PCDHA5: variants seen among roughly 807,000 people sequenced by gnomAD.
PCDHA5 encodes protocadherin alpha 5.
Under a neutral mutation model 61.6 loss-of-function variants are expected in PCDHA5, and 43 were observed. The observed-to-expected ratio is 0.70, with a 90% CI of 0.55 to 0.90. The LOEUF (loss-of-function observed/expected upper bound fraction) is 0.90. PCDHA5 is among the 40% of genes least tolerant of loss of function. The probability of loss-of-function intolerance (pLI) is 0.00; values close to 1 mark genes in which losing one functional copy is unlikely to be tolerated. For synonymous variants in PCDHA5, 627 were observed against 543.9 expected, an observed-to-expected ratio of 1.15 and a Z score of -2.13; for missense variants, 1,298 against 1,222.7, an observed-to-expected ratio of 1.06 and a Z score of -0.92.
rs2150179482 is a variant in PCDHA5, at chr5:140,830,012, G to T, written c.2352+5885G>T. 5.0e-6 allele frequency: 8 copies of T among 1,613,802 alleles called. No individual in the cohort carries two copies. In the Admixed American group the frequency reaches 1.0e-4, roughly 20 times the overall value. ...CACCACTCGTGTCCTGGACGAAGCG[G>T]ACTCTCCGCGCCACCGGCTGCTGGT... On this transcript the variant is annotated intron_variant, in intron 1 of 3. Coordinates refer to ENST00000529859, the MANE Select transcript of PCDHA5 (RefSeq NM_018908.3).
At chr5:140,851,249 A>G in intron 1 of PCDHA5, 1 of 1,094,194 alleles carries the variant, frequency 9.1e-7, no homozygotes, top group Non-Finnish European at 1.2e-6. Context: ...TAAATGATGC[A>G]TAGTATTTTA....
chr5:140,867,215 C>T (rs989219715), intron 1 of PCDHA5: 14 of 152,216 alleles, frequency 9.2e-5, no homozygotes, highest in South Asian at 2.1e-4. Flanking sequence ...ACATCTTCAT[C>T]CCCAATTCCC....
At chr5:140,836,199 T>C in intron 1 of PCDHA5, 1 of 1,613,834 alleles carries the variant, frequency 6.2e-7, no homozygotes, top group Admixed American at 1.7e-5. Flanking sequence ...CTACAACGCG[T>C]GGCTTTCGTA....
intron 1 of PCDHA5, chr5:140,857,730 C>T (rs782671299): frequency 6.3e-7 from 1 of 1,597,474 alleles, no homozygotes. Context: ...AACGACAACG[C>T]TCCCGCGCTG....
chr5:140,861,303 G>A (rs1290097316), intron 1 of PCDHA5: 2 of 189,476 alleles, frequency 1.1e-5, no homozygotes, highest in Non-Finnish European at 2.2e-5. Context: ...TGTGAAGCGG[G>A]AAAGGACCAG....
At chr5:140,944,291 G>A (rs155813) in intron 1 of PCDHA5, among the ~76,000 whole-genome samples, 48,239 of 151,966 alleles carry the variant, frequency 0.32, 8,008 homozygotes, top group East Asian at 0.53. Flanking sequence ...GGGCTCAAGC[G>A]ATCCTCCTAC....
chr5:140,844,571 T>G (rs1416812482), intron 1 of PCDHA5, among the ~76,000 whole-genome samples: 1 of 149,562 alleles, frequency 6.7e-6, no homozygotes, highest in Non-Finnish European at 1.5e-5. Context: ...TTCAATAATA[T>G]TCCACATTAA....
chr5:140,987,636 C>A (rs569411440), intron 3 of PCDHA5, among the ~76,000 whole-genome samples: 1 of 152,256 alleles, frequency 6.6e-6, no homozygotes, highest in African/African-American at 2.4e-5. Context: ...TGAGATAATG[C>A]ACACATATTG....
intron 1 of PCDHA5, among the ~76,000 whole-genome samples, chr5:140,972,284 T>A (rs113618936): frequency 3.6e-4 from 55 of 150,874 alleles, no homozygotes; most frequent in African/African-American, 1.3e-3. Context: ...GGACCATAGA[T>A]GTGCGCCACC....
rs1005130215 is a variant in PCDHA5 at position 140,976,643 on chromosome 5, A to G, written c.2353-2306A>G. On this transcript the variant is annotated intron_variant, in intron 1 of 3. Coordinates refer to ENST00000529859, the MANE Select transcript of PCDHA5 (RefSeq NM_018908.3). ...AGCTGAACTCAGCAATCAGACAAGT[A>G]ATTTAATCTCTCCAAAGTTCAGATG... Among the ~76,000 whole-genome samples the G allele has an allele frequency of 2.0e-5, 3 of 152,236 alleles. No homozygotes were observed. In the South Asian group the frequency reaches 6.2e-4, roughly 31 times the overall value.
At chr5:140,947,998 T>C (rs2094201986) in intron 1 of PCDHA5, among the ~76,000 whole-genome samples, 1 of 122,112 alleles carries the variant, frequency 8.2e-6, no homozygotes, top group Admixed American at 8.2e-5. Flanking sequence ...AAATACTTTA[T>C]TAAATTTAGG....
At chr5:140,968,640 C>T (rs2096260908) in intron 1 of PCDHA5, 1 of 1,614,038 alleles carries the variant, frequency 6.2e-7, no homozygotes, top group Admixed American at 1.7e-5. Context: ...TACCATCTAG[C>T]CCAGACTTCT....
At chr5:140,833,150 C>A (rs1477440208) in intron 1 of PCDHA5, among the ~76,000 whole-genome samples, 1 of 151,886 alleles carries the variant, frequency 6.6e-6, no homozygotes, top group Admixed American at 6.6e-5. Context: ...TGAAGCAATA[C>A]GAATAAAAAG....
At position 140,884,483 on chromosome 5, in the gene PCDHA5, C is replaced by G. The variant is rs376374275; in HGVS notation, c.2352+60356C>G. The G allele has an allele frequency of 3.7e-6, 6 of 1,613,980 alleles. 1 individual carries two copies. In the South Asian group the frequency reaches 5.5e-5, roughly 15 times the overall value. On this transcript the variant is annotated intron_variant, in intron 1 of 3. Coordinates refer to ENST00000529859, the MANE Select transcript of PCDHA5 (RefSeq NM_018908.3). The stretch of plus-strand genomic sequence containing the variant: ...CGCGTGCGCGCCGGGCAAGCCCACT[C>G]TAGTGTGCTCCAGCGCGGCAGGGAG...
intron 1 of PCDHA5, among the ~76,000 whole-genome samples, chr5:140,895,075 A>C (rs1309295177): frequency 6.6e-6 from 1 of 152,102 alleles, no homozygotes; most frequent in Admixed American, 6.5e-5. Flanking sequence ...AATTCCTATC[A>C]GTTCCTCCTC....
At chr5:140,986,530 G>C (rs1341824536) in intron 3 of PCDHA5, among the ~76,000 whole-genome samples, 1 of 152,162 alleles carries the variant, frequency 6.6e-6, no homozygotes, top group African/African-American at 2.4e-5. Context: ...GAGGGAACTG[G>C]CCTGGCTTCA....
chr5:140,945,533 A>G (rs1007849839), intron 1 of PCDHA5, among the ~76,000 whole-genome samples: 2 of 152,084 alleles, frequency 1.3e-5, no homozygotes, highest in African/African-American at 4.8e-5. Flanking sequence ...AAAACAAAAC[A>G]TACAAACAAA....
At chr5:140,990,129 A>G (rs868941506) in intron 3 of PCDHA5, among the ~76,000 whole-genome samples, 6 of 152,296 alleles carry the variant, frequency 3.9e-5, no homozygotes, top group Middle Eastern at 3.4e-3. Flanking sequence ...TGTAGAAGTC[A>G]GACTCAAGAG....
chr5:140,897,312 T>G (rs1367286366), intron 1 of PCDHA5, among the ~76,000 whole-genome samples: 12 of 150,180 alleles, frequency 8.0e-5, no homozygotes, highest in Non-Finnish European at 1.6e-4. Context: ...TAGGTATATC[T>G]CCTAAAGCTA....
Sources: gnomAD v4.1 joint callset for allele counts (sites outside exome capture counted in the v4.1 genomes callset) on GRCh38, gnomAD v4.1.1 for gene constraint, MANE v1.5 for transcripts, NCBI Gene and HGNC (gene_info 2026-07-23, HGNC 2026-07-21) for gene names.